COP1: variants seen among roughly 807,000 people sequenced by gnomAD.
COP1 encodes COP1 E3 ubiquitin ligase, also known as E3 ubiquitin-protein ligase COP1.
COP1 carries 24 observed loss-of-function variants against 101.3 expected under a neutral mutation model. The ratio of observed to expected loss-of-function variants is 0.24; its 90% CI spans 0.17 to 0.33. The LOEUF (loss-of-function observed/expected upper bound fraction) is 0.33. COP1 is among the 10% of genes least tolerant of loss of function. The probability of loss-of-function intolerance (pLI) is 1.00; values close to 1 mark genes in which losing one functional copy is unlikely to be tolerated. For synonymous variants in COP1, 347 were observed against 341.9 expected, an observed-to-expected ratio of 1.01 and a Z score of -0.17; for missense variants, 663 against 906.2, an observed-to-expected ratio of 0.73 and a Z score of 3.45.
rs143538451 is a variant in COP1, at chr1:176,048,557, C to T, written c.1278-2233G>A. 1.7e-3 allele frequency among the ~76,000 whole-genome samples: 266 copies of T among 152,254 alleles called. 1 individual carries two copies. Among genetic ancestry groups the T allele is most frequent in the African/African-American group, 6.1e-3 (254 of 41,552 alleles). ...TTCATCTATCCCAACTCAATTTATACCCATAGTCTCATGTCACTGAAGGAG... is the reference window on the plus strand; with the variant it reads ...TTCATCTATCCCAACTCAATTTATATCCATAGTCTCATGTCACTGAAGGAG... On this transcript the variant is annotated intron_variant, in intron 11 of 19. Transcript: ENST00000367669.
chr1:176,158,269 G>C lies in COP1; in HGVS notation c.762+4600C>G, dbSNP rs150693438. Among the ~76,000 whole-genome samples the C allele has an allele frequency of 1.5e-3, 231 of 152,186 alleles. 7 individuals carry two copies. Among genetic ancestry groups the C allele is most frequent in the Admixed American group, 0.014 (215 of 15,274 alleles). On this transcript the variant is annotated intron_variant, in intron 5 of 19. Transcript: ENST00000367669. ...ACAGTGGAGCAACATTTCTTTAAAA[G>C]CCAATCTGGAATTTTATACTTATAT...
intron 6 of COP1, among the ~76,000 whole-genome samples, chr1:176,139,300 A>AC (rs200644304): frequency 2.0e-5 from 3 of 146,966 alleles, no homozygotes; most frequent in African/African-American, 7.4e-5. Flanking sequence ...AAAAAAAAAA[A>AC]CAAAAAAAGA....
chr1:176,190,992 G>A (rs548412352), intron 1 of COP1, among the ~76,000 whole-genome samples: 12 of 152,096 alleles, frequency 7.9e-5, no homozygotes, highest in African/African-American at 2.9e-4. Context: ...ACAAGCAGTA[G>A]TTACACCTCA....
chr1:175,993,996 A>C (rs1472255143), intron 15 of COP1, among the ~76,000 whole-genome samples: 2 of 152,222 alleles, frequency 1.3e-5, no homozygotes, highest in African/African-American at 2.4e-5. Context: ...GCCAGAGAGA[A>C]AGGTCGGGTT....
chr1:176,141,256 C>G (rs1263142906), intron 6 of COP1, among the ~76,000 whole-genome samples: 1 of 152,174 alleles, frequency 6.6e-6, no homozygotes, highest in African/African-American at 2.4e-5. Context: ...AAGCCCAACA[C>G]TTTGGGAGGC....
chr1:176,206,501 C>T, intron 1 of COP1, 71 bp downstream of exon 1: 2 of 1,562,530 alleles, frequency 1.3e-6, no homozygotes, highest in South Asian at 1.1e-5. Context: ...CACACCAGAC[C>T]CCCCGCCCCC....
chr1:176,172,895 G>C (rs1696300047), intron 3 of COP1, among the ~76,000 whole-genome samples: 1 of 152,168 alleles, frequency 6.6e-6, no homozygotes, highest in African/African-American at 2.4e-5. Flanking sequence ...GGCTAGAAGA[G>C]GTAATCAGCA....
intron 15 of COP1, among the ~76,000 whole-genome samples, chr1:175,998,211 A>T (rs1218530494): frequency 6.6e-6 from 1 of 151,522 alleles, no homozygotes; most frequent in Admixed American, 6.6e-5. Context: ...TATCACAAGA[A>T]CAAAAAACCA....
chr1:176,152,484 G>C (rs1236317947), intron 5 of COP1, among the ~76,000 whole-genome samples: 3 of 151,062 alleles, frequency 2.0e-5, no homozygotes, highest in African/African-American at 7.3e-5. Context: ...GCCTCACTCT[G>C]TTTCCCAGGC....
chr1:176,060,235 A>G (rs1272879778), intron 11 of COP1, among the ~76,000 whole-genome samples: 1 of 152,194 alleles, frequency 6.6e-6, no homozygotes, highest in African/African-American at 2.4e-5. Flanking sequence ...AAATAAATAC[A>G]CTACCTGATA....
chr1:175,987,015 G>A lies in COP1; in HGVS notation c.2061C>T (p.Leu687=), dbSNP rs556968354. 2.9e-5 allele frequency: 46 copies of A among 1,611,842 alleles called. No individual in the cohort carries two copies. The highest frequency in any genetic ancestry group is 2.0e-4 in the South Asian group (18 of 90,914). The part of the protein sequence containing the change: ...TFKFDTVKSV[L]DKDRKEDDTN... ...TATCATCTTCTTTTCGGTCTTTGTC[G>A]AGAACACTTTTGACTGTATCAAACT... Residue 687 remains leucine, a synonymous_variant, in exon 18 of 20, where the codon CTC becomes CTT. Transcript: ENST00000367669.
intron 18 of COP1, among the ~76,000 whole-genome samples, chr1:175,983,784 T>C (rs151279723): frequency 6.6e-6 from 1 of 152,188 alleles, no homozygotes; most frequent in Non-Finnish European, 1.5e-5. Flanking sequence ...GATGAGGAAC[T>C]TGCTGGGAAA....
chr1:175,955,779 C>CACACAA (rs1446948307), intron 18 of COP1, among the ~76,000 whole-genome samples: 1 of 149,864 alleles, frequency 6.7e-6, no homozygotes, highest in Non-Finnish European at 1.5e-5. Context: ...CACACACACA[C>CACACAA]ACACACACAC....
rs1199813265 is a variant in COP1 at position 176,092,315 on chromosome 1, G to A, written c.1027-6425C>T. On this transcript the variant is annotated intron_variant, in intron 9 of 19. Coordinates refer to ENST00000367669, the MANE Select transcript of COP1 (RefSeq NM_022457.7). ...CATGTAATATGTTACTGGATAATAT[G>A]TTTACAATCTTGAGAAAGGGCAGAA... 2.6e-5 allele frequency among the ~76,000 whole-genome samples: 4 copies of A among 152,194 alleles called. No individual in the cohort carries two copies. In the East Asian group the frequency reaches 5.8e-4, roughly 22 times the overall value.
chr1:175,970,144 T>G (rs1652946856), intron 18 of COP1, among the ~76,000 whole-genome samples: 1 of 152,122 alleles, frequency 6.6e-6, no homozygotes, highest in Admixed American at 6.6e-5. Context: ...GCAACACTAA[T>G]GAAGCATAAC....
chr1:176,196,033 G>T (rs2457418), intron 1 of COP1, among the ~76,000 whole-genome samples: 41,251 of 152,090 alleles, frequency 0.27, 6,704 homozygotes, highest in East Asian at 0.52. Context: ...ACATACTTCT[G>T]AATAATCCAT....
intron 8 of COP1, among the ~76,000 whole-genome samples, chr1:176,126,466 CTTTTT>C (rs1173236389): frequency 6.6e-6 from 1 of 151,054 alleles, no homozygotes; most frequent in Non-Finnish European, 1.5e-5. Context: ...TTTTTCTTTT[CTTTTT>C]TTTTGAGATG....
intron 18 of COP1, among the ~76,000 whole-genome samples, chr1:175,951,813 G>A (rs1201577756): frequency 1.3e-5 from 2 of 151,930 alleles, no homozygotes; most frequent in East Asian, 3.9e-4. Context: ...TGACCTATTG[G>A]GCAATATGCA....
intron 3 of COP1, 110 bp downstream of exon 3, chr1:176,175,774 GAAGAGGAAAGCACTGTGGTATACAGT>G: frequency 2.2e-6 from 1 of 448,788 alleles, no homozygotes; most frequent in Non-Finnish European, 3.9e-6. Flanking sequence ...CACAACCCAA[GAAGAGGAAAGCACTGTGGTATACAGT>G]AGAGAGAGAC....
Sources: allele counts gnomAD v4.1 joint callset (sites outside exome capture counted in the v4.1 genomes callset), GRCh38; gene constraint gnomAD v4.1.1; transcripts MANE v1.5; gene names NCBI Gene and HGNC (gene_info 2026-07-23, HGNC 2026-07-21).